CPSF4L: variants seen among roughly 807,000 people sequenced by gnomAD.
The protein encoded by CPSF4L is putative cleavage and polyadenylation specificity factor subunit 4-like protein.
CPSF4L carries 18 observed loss-of-function variants against 24.0 expected under a neutral mutation model. The ratio of observed to expected loss-of-function variants is 0.75; its 90% confidence interval spans 0.52 to 1.11. CPSF4L has a LOEUF of 1.11. Ranked by LOEUF, CPSF4L falls within the 50% of genes least tolerant of loss-of-function variation. The pLI is 0.00. For synonymous variants in CPSF4L, 72 were observed against 77.2 expected, an observed-to-expected ratio of 0.93 and a Z score of 0.35; for missense variants, 211 against 221.8, an observed-to-expected ratio of 0.95 and a Z score of 0.31.
At chr17:73,254,268 A>G (rs11077676) in intron 3 of CPSF4L, among the ~76,000 whole-genome samples, 150,870 of 152,356 alleles carry the variant, frequency 0.99, 74,711 homozygotes, top group Middle Eastern at 1. Flanking sequence ...AGTAAGAGTG[A>G]GGGACCCCAG....
chr17:73,262,079 A>G (rs112206807), upstream of CPSF4L: 2,712 of 468,160 alleles, frequency 5.8e-3, 64 homozygotes, highest in African/African-American at 0.048. Context: ...GCTCACTCGG[A>G]TAGGGAGGGA....
chr17:73,260,847 C>T (rs2062042225), intron 2 of CPSF4L, 86 bp downstream of exon 2: 2 of 1,118,488 alleles, frequency 1.8e-6, no homozygotes, highest in Non-Finnish European at 2.6e-6. Flanking sequence ...CACCCTATCC[C>T]AGGCCAGGCA....
chr17:73,245,177 G>T (rs571568861), downstream of CPSF4L: 1 of 1,613,522 alleles, frequency 6.2e-7, no homozygotes, highest in Non-Finnish European at 8.5e-7. Context: ...GAGCTGCAGC[G>T]GTGGCGTAAG....
At chr17:73,261,587 G>C in intron 1 of CPSF4L, 129 bp downstream of exon 1, 1 of 679,078 alleles carries the variant, frequency 1.5e-6, no homozygotes, top group South Asian at 1.8e-5. Flanking sequence ...CGTGAACCCA[G>C]GAGGCAGAGC....
chr17:73,244,273 T>C (rs912036158), downstream of CPSF4L, among the ~76,000 whole-genome samples: 1 of 152,024 alleles, frequency 6.6e-6, no homozygotes, highest in Non-Finnish European at 1.5e-5. Context: ...CAAAAACCAG[T>C]ATTTTGGGGC....
intron 5 of CPSF4L, 84 bp downstream of exon 5, chr17:73,252,546 C>T (rs943154076): frequency 3.6e-6 from 3 of 831,528 alleles, no homozygotes; most frequent in Non-Finnish European, 6.0e-6. Flanking sequence ...CCACTAAGGA[C>T]CAGCGAAGGT....
At chr17:73,243,095 T>TTTGTTTTTTTTTTG in the CPSF4L span, 54 of 937,072 alleles carry the variant, frequency 5.8e-5, no homozygotes, top group African/African-American at 6.8e-4. Flanking sequence ...TTTTTTTTTT[T>TTTGTTTTTTTTTTG]TTTTTTACAG....
chr17:73,261,761 C>A lies in CPSF4L; in HGVS notation c.58G>T (p.Glu20Ter). The change falls in exon 1 of 6, where the codon GAG becomes TAG. Residue 20 changes from glutamate (E) to a stop codon, truncating the protein, a stop_gained. Coordinates refer to ENST00000344935, the MANE Select transcript of CPSF4L (RefSeq NM_001129885.1). LOFTEE classifies it high-confidence loss of function. The stretch of plus-strand genomic sequence containing the variant: ...AGGAGCCCAGTGCCCTTCTGCATCT[C>A]GACATCCTTCTCGAAGGCAAAGGTG... ...RFTFAFEKDV[E>*]MQKGTGLLPF... 6.4e-7 allele frequency: 1 copy of A among 1,551,808 alleles called. No homozygotes were observed. The highest frequency in any genetic ancestry group is 1.2e-5 in the South Asian group (1 of 84,066).
In CPSF4L at chr17:73,250,856, C is replaced by T. The variant is rs571387773; in HGVS notation, c.497+1774G>A. ...GTTTACAGTATCCTCTCATTCTCCC[C>T]TAATTCACACTCCTATCTGCTGCAG... On this transcript the variant is annotated intron_variant, in intron 5 of 5. Coordinates refer to ENST00000344935, the MANE Select transcript of CPSF4L (RefSeq NM_001129885.1). The T allele has an allele frequency of 9.4e-6, 7 of 743,908 alleles. No individual in the cohort carries two copies. The East Asian group carries it at 2.0e-4, about 21-fold the overall frequency. 46.1% of individuals were successfully genotyped at this position (743,908 alleles called of 1,614,324 possible). A position where few individuals can be genotyped will look rare whatever the true frequency, so the allele number is the denominator to read the frequency against.
the CPSF4L span, chr17:73,243,218 G>A: frequency 1.3e-4 from 71 of 548,768 alleles, no homozygotes; most frequent in Middle Eastern, 5.2e-4. Flanking sequence ...GCAATGGCAC[G>A]ATCTCAGCTC....
intron 3 of CPSF4L, among the ~76,000 whole-genome samples, chr17:73,255,266 G>A (rs974184379): frequency 5.9e-5 from 9 of 152,034 alleles, no homozygotes; most frequent in Non-Finnish European, 1.2e-4. Flanking sequence ...TTGTGAAGCC[G>A]AGGTGGTGAT....
chr17:73,248,027 C>G (rs1472454), downstream of CPSF4L: 115,275 of 157,136 alleles, frequency 0.73, 43,356 homozygotes, highest in Non-Finnish European at 0.81. Flanking sequence ...TTGAGGTAAA[C>G]TGATAGCTGA....
intron 2 of CPSF4L, among the ~76,000 whole-genome samples, chr17:73,259,354 TAAAA>T (rs59789741): frequency 2.7e-5 from 4 of 150,072 alleles, no homozygotes; most frequent in Non-Finnish European, 4.4e-5. Flanking sequence ...TTTCCTTTTT[TAAAA>T]AAAAAAAATT....
intron 3 of CPSF4L, among the ~76,000 whole-genome samples, chr17:73,254,933 C>T (rs1276800301): frequency 1.3e-5 from 2 of 152,142 alleles, no homozygotes; most frequent in Admixed American, 6.5e-5. Flanking sequence ...TGAGCCACCA[C>T]GCCCGGACCC....
downstream of CPSF4L, chr17:73,245,034 A>G: frequency 1.3e-6 from 1 of 771,684 alleles, no homozygotes. Flanking sequence ...AAGTGAAACA[A>G]ACTTCTCATT....
intron 3 of CPSF4L, among the ~76,000 whole-genome samples, chr17:73,254,801 G>T (rs1176432344): frequency 1.3e-5 from 2 of 152,136 alleles, no homozygotes; most frequent in African/African-American, 4.8e-5. Context: ...GTGCCACCAC[G>T]CATGGCTAAT....
chr17:73,245,085 G>T, downstream of CPSF4L: 2 of 1,308,352 alleles, frequency 1.5e-6, no homozygotes, highest in South Asian at 2.5e-5. Context: ...AACAAAAAGA[G>T]AATGATCTGT....
chr17:73,254,059 T>A, intron 3 of CPSF4L, 33 bp from the exon 4 acceptor site: 1 of 1,509,878 alleles, frequency 6.6e-7, no homozygotes, highest in South Asian at 1.2e-5. Context: ...TAGAAGCAGT[T>A]TCTCTTTGTG....
downstream of CPSF4L, chr17:73,245,746 C>T (rs2061941602): frequency 1.0e-6 from 1 of 983,090 alleles, no homozygotes; most frequent in African/African-American, 1.8e-5. Context: ...CGAAAAAAAG[C>T]TTACAAATAT....
Sources: allele counts gnomAD v4.1 joint callset (sites outside exome capture counted in the v4.1 genomes callset), GRCh38; gene constraint gnomAD v4.1.1; transcripts MANE v1.5; gene names NCBI Gene and HGNC (gene_info 2026-07-23, HGNC 2026-07-21).